MINDY2: variants seen among roughly 807,000 people sequenced by gnomAD.
MINDY2 encodes MINDY lysine 48 deubiquitinase 2.
Under a neutral mutation model 68.2 loss-of-function variants are expected in MINDY2, and 52 were observed. That is an observed-to-expected ratio of 0.76 (90% CI 0.61 to 0.96). The LOEUF is 0.96. MINDY2 is among the 40% of genes least tolerant of loss of function. MINDY2 has a pLI of 0.00. For missense variants in MINDY2, 881 were observed against 773.4 expected (o/e 1.14, Z -1.65); for synonymous variants, 372 against 303.0 (o/e 1.23, Z -2.36).
chr15:58,835,500 A>G (rs1365569705), intron 6 of MINDY2, among the ~76,000 whole-genome samples: 2 of 152,124 alleles, frequency 1.3e-5, no homozygotes, highest in African/African-American at 2.4e-5. Context: ...TAAAAATACA[A>G]AAATTAGCTG....
chr15:58,812,306 A>G (rs768162980), intron 4 of MINDY2, among the ~76,000 whole-genome samples: 1 of 151,914 alleles, frequency 6.6e-6, no homozygotes, highest in African/African-American at 2.4e-5. Context: ...GTGCAGTGGC[A>G]GGCGCCTGTA....
At position 58,847,448 on chromosome 15, in the gene MINDY2, G is replaced by A; in HGVS notation, c.1520G>A (p.Gly507Glu). The A allele has an allele frequency of 6.3e-7, 1 of 1,579,750 alleles. No homozygotes were observed. The highest frequency in any genetic ancestry group is 1.2e-5 in the South Asian group (1 of 86,628). ...TCAGATCCTGAAACTGTATACAAAG[G>A]ACAACAAGATCAGATAGATCAGGTA... ...PPSDPETVYK[G>E]QQDQIDQDYL... is the part of the protein sequence containing the mutation. Residue 507 changes from glycine to glutamate, a missense_variant, in exon 7 of 9, where the codon GGA (glycine) becomes GAA (glutamate). Transcript: ENST00000559228.
chr15:58,771,590 C>G lies in MINDY2; in HGVS notation c.195C>G (p.Asp65Glu). 1 of 1,611,768 alleles carries G rather than the reference C, an allele frequency of 6.2e-7. No homozygotes were observed. Among genetic ancestry groups the G allele is most frequent in the South Asian group, 1.1e-5 (1 of 91,042 alleles). ...CGGCCGCCAGGAGGAGCCTCCCGGA[C>G]TCGGCTTCTCCCGCGGGCTCTCCTG... ...GAAAARRSLP[D>E]SASPAGSPEV... The change falls in exon 1 of 9, where the codon GAC (aspartate) becomes GAG (glutamate). Residue 65 changes from aspartate (D) to glutamate (E), a missense_variant. Coordinates refer to ENST00000559228, the MANE Select transcript of MINDY2 (RefSeq NM_001040450.3).
intron 5 of MINDY2, among the ~76,000 whole-genome samples, chr15:58,824,734 A>C (rs2141005648): frequency 6.8e-6 from 1 of 147,858 alleles, no homozygotes; most frequent in East Asian, 2.0e-4. Context: ...TAGTGGCACG[A>C]TCTCGGCTCA....
At chr15:58,807,576 G>C (rs924512248) in intron 3 of MINDY2, among the ~76,000 whole-genome samples, 2 of 151,962 alleles carry the variant, frequency 1.3e-5, no homozygotes, top group African/African-American at 2.4e-5. Context: ...TGTTAGCCAG[G>C]ATGGTCTCGA....
At chr15:58,774,810 A>C (rs1479951199) in intron 1 of MINDY2, among the ~76,000 whole-genome samples, 2 of 152,236 alleles carry the variant, frequency 1.3e-5, no homozygotes, top group African/African-American at 4.8e-5. Context: ...ACCTTGGTTG[A>C]AGTGTGCAGC....
At chr15:58,804,680 G>A (rs1393365298) in intron 3 of MINDY2, among the ~76,000 whole-genome samples, 2 of 152,044 alleles carry the variant, frequency 1.3e-5, no homozygotes, top group Non-Finnish European at 2.9e-5. Flanking sequence ...GGTGGCACAC[G>A]CCTATAGTCC....
At chr15:58,795,977 A>T (rs678020) in intron 2 of MINDY2, 1 of 401,808 alleles carries the variant, frequency 2.5e-6, no homozygotes, top group Admixed American at 2.7e-5. Context: ...GAGAAAGGGT[A>T]TTGAATACTG....
At chr15:58,830,081 A>C (rs774105028) in intron 5 of MINDY2, among the ~76,000 whole-genome samples, 1 of 152,178 alleles carries the variant, frequency 6.6e-6, no homozygotes, top group Non-Finnish European at 1.5e-5. Context: ...TCCAAAAGGA[A>C]GGAGGGAAAG....
At chr15:58,838,047 T>A (rs2032089753) in intron 6 of MINDY2, among the ~76,000 whole-genome samples, 1 of 151,948 alleles carries the variant, frequency 6.6e-6, no homozygotes, top group South Asian at 2.1e-4. Context: ...CTGTGAACTC[T>A]TTCTCTTTGG....
chr15:58,807,557 G>T (rs185639027), intron 3 of MINDY2, among the ~76,000 whole-genome samples: 19 of 152,052 alleles, frequency 1.2e-4, no homozygotes, highest in African/African-American at 4.3e-4. Flanking sequence ...TAGAGACGGG[G>T]TTTCACCGTG....
intron 2 of MINDY2, chr15:58,796,086 A>T (rs754857679): frequency 6.6e-6 from 3 of 455,812 alleles, no homozygotes. Context: ...TGAGTTGAAG[A>T]GTATCTGGGA....
At chr15:58,835,132 A>G (rs1289578241) in intron 6 of MINDY2, among the ~76,000 whole-genome samples, 1 of 152,222 alleles carries the variant, frequency 6.6e-6, no homozygotes, top group East Asian at 1.9e-4. Context: ...GCCATGAGCA[A>G]GGAAGCTATG....
chr15:58,827,297 T>C (rs1051575744), intron 5 of MINDY2, among the ~76,000 whole-genome samples: 5 of 152,244 alleles, frequency 3.3e-5, no homozygotes, highest in African/African-American at 1.2e-4. Context: ...ACCAGGTAGA[T>C]TTGGCATCCA....
intron 6 of MINDY2, among the ~76,000 whole-genome samples, chr15:58,835,514 A>C (rs375842450): frequency 6.6e-6 from 1 of 152,060 alleles, no homozygotes; most frequent in Admixed American, 6.6e-5. Flanking sequence ...TTAGCTGGGC[A>C]TGGTGGTGGG....
chr15:58,793,352 T>G (rs1264560423), intron 2 of MINDY2, among the ~76,000 whole-genome samples: 1 of 151,892 alleles, frequency 6.6e-6, no homozygotes, highest in Non-Finnish European at 1.5e-5. Context: ...CTTGGGAAAC[T>G]GAGGAGGAGA....
intron 1 of MINDY2, among the ~76,000 whole-genome samples, chr15:58,779,036 A>G (rs980037739): frequency 2.6e-5 from 4 of 150,970 alleles, no homozygotes; most frequent in African/African-American, 9.7e-5. Flanking sequence ...TATTAAGATT[A>G]CAGGCGTGAG....
At chr15:58,849,856 C>G (rs2032725978) in intron 7 of MINDY2, among the ~76,000 whole-genome samples, 1 of 152,156 alleles carries the variant, frequency 6.6e-6, no homozygotes, top group African/African-American at 2.4e-5. Flanking sequence ...AACACCTCAG[C>G]CTCCTGAGTA....
At chr15:58,784,861 C>T (rs1901381008) in intron 1 of MINDY2, among the ~76,000 whole-genome samples, 1 of 151,834 alleles carries the variant, frequency 6.6e-6, no homozygotes, top group African/African-American at 2.4e-5. Context: ...TCTCAAACTC[C>T]TGGGCTCAAG....
Sources: gnomAD v4.1 joint callset for allele counts (sites outside exome capture counted in the v4.1 genomes callset) on GRCh38, gnomAD v4.1.1 for gene constraint, MANE v1.5 for transcripts, NCBI Gene and HGNC (gene_info 2026-07-23, HGNC 2026-07-21) for gene names.